Variants in PLCXD3 observed in about 807,000 individuals in gnomAD.
PLCXD3 encodes the protein phosphatidylinositol specific phospholipase C X domain containing 3.
Under a neutral mutation model 25.5 loss-of-function variants are expected in PLCXD3, and 19 were observed. The ratio of observed to expected loss-of-function variants is 0.75; its 90% CI spans 0.52 to 1.09. The LOEUF (loss-of-function observed/expected upper bound fraction) is 1.09. Ranked by LOEUF, PLCXD3 falls within the 50% of genes least tolerant of loss-of-function variation. The pLI, the probability that PLCXD3 is intolerant of heterozygous loss-of-function variation, is 0.00. For synonymous variants in PLCXD3, 174 were observed against 137.6 expected (o/e 1.26, Z -1.85); for missense variants, 411 against 388.1 (o/e 1.06, Z -0.50).
chr5:41,487,034 A>G (rs1748533534), intron 1 of PLCXD3, among the ~76,000 whole-genome samples: 1 of 134,836 alleles, frequency 7.4e-6, no homozygotes, highest in Non-Finnish European at 1.8e-5. Flanking sequence ...TGTTAAAAAT[A>G]ACATACTTTT....
chr5:41,383,670 C>T (rs1745550543), intron 1 of PLCXD3, among the ~76,000 whole-genome samples: 1 of 152,060 alleles, frequency 6.6e-6, no homozygotes, highest in Non-Finnish European at 1.5e-5. Flanking sequence ...ATCTGATACT[C>T]AGGCTTCCTC....
At chr5:41,435,415 G>T (rs1747224087) in intron 1 of PLCXD3, among the ~76,000 whole-genome samples, 1 of 152,212 alleles carries the variant, frequency 6.6e-6, no homozygotes. Flanking sequence ...TAAGATTAGT[G>T]TCTGGCTGCA....
intron 1 of PLCXD3, among the ~76,000 whole-genome samples, chr5:41,491,030 T>A (rs1219546184): frequency 6.6e-6 from 1 of 151,992 alleles, no homozygotes; most frequent in Non-Finnish European, 1.5e-5. Context: ...TGATGTTAGG[T>A]TGTCAATTTT....
At chr5:41,328,682 AAGCCT>A (rs1335430445) in intron 2 of PLCXD3, among the ~76,000 whole-genome samples, 2 of 152,172 alleles carry the variant, frequency 1.3e-5, no homozygotes, top group African/African-American at 4.8e-5. Context: ...AGAAACAGGG[AAGCCT>A]ACAGGAATCA....
intron 1 of PLCXD3, among the ~76,000 whole-genome samples, chr5:41,508,194 A>G (rs1332875001): frequency 5.9e-5 from 9 of 152,216 alleles, no homozygotes; most frequent in African/African-American, 9.6e-5. Flanking sequence ...TGGAAGCCCA[A>G]TGTCATCATC....
At chr5:41,414,738 T>C (rs995847419) in intron 1 of PLCXD3, among the ~76,000 whole-genome samples, 1 of 152,208 alleles carries the variant, frequency 6.6e-6, no homozygotes, top group South Asian at 2.1e-4. Flanking sequence ...TGTGCACCAT[T>C]CTGAGTAGCA....
chr5:41,473,235 A>C (rs1748204701), intron 1 of PLCXD3, among the ~76,000 whole-genome samples: 1 of 152,086 alleles, frequency 6.6e-6, no homozygotes, highest in Non-Finnish European at 1.5e-5. Flanking sequence ...AATAAAGGAG[A>C]AATTCTAACA....
chr5:41,410,172 C>T (rs1746476323), intron 1 of PLCXD3, among the ~76,000 whole-genome samples: 1 of 140,814 alleles, frequency 7.1e-6, no homozygotes, highest in South Asian at 2.2e-4. Flanking sequence ...CGGAGTCTCA[C>T]TCTGTTGCCC....
chr5:41,463,563 C>T lies in PLCXD3; in HGVS notation c.103+46861G>A, dbSNP rs902750791. On this transcript the variant is annotated intron_variant, in intron 1 of 2. Transcript: ENST00000377801. The stretch of plus-strand genomic sequence containing the variant: ...CACTTTAAAAAGAATATAACTGTTT[C>T]TCATGTAAGAGATTCATATTTCTGG... Among the ~76,000 whole-genome samples, 4 of 152,084 alleles carry T rather than the reference C, an allele frequency of 2.6e-5. No homozygotes were observed. The South Asian group carries it at 8.3e-4, about 32-fold the overall frequency.
At chr5:41,335,617 A>G (rs1743957254) in intron 2 of PLCXD3, among the ~76,000 whole-genome samples, 1 of 152,146 alleles carries the variant, frequency 6.6e-6, no homozygotes, top group Non-Finnish European at 1.5e-5. Context: ...GTGGAGAGAA[A>G]TAGGGAAATA....
At chr5:41,385,333 C>T (rs1745603834) in intron 1 of PLCXD3, among the ~76,000 whole-genome samples, 1 of 152,002 alleles carries the variant, frequency 6.6e-6, no homozygotes, top group Non-Finnish European at 1.5e-5. Flanking sequence ...TATCTTGGAC[C>T]TGGTACTTAA....
chr5:41,457,347 T>C (rs1747775872), intron 1 of PLCXD3, among the ~76,000 whole-genome samples: 1 of 151,920 alleles, frequency 6.6e-6, no homozygotes, highest in Admixed American at 6.6e-5. Flanking sequence ...GAGCTATTTA[T>C]ACATTTTTAA....
intron 1 of PLCXD3, among the ~76,000 whole-genome samples, chr5:41,474,273 T>A (rs2150520960): frequency 6.6e-6 from 1 of 152,254 alleles, no homozygotes; most frequent in Middle Eastern, 3.4e-3. Flanking sequence ...AGGTTCATAT[T>A]ATTACTAACA....
At chr5:41,411,430 T>C (rs1746516298) in intron 1 of PLCXD3, among the ~76,000 whole-genome samples, 2 of 152,216 alleles carry the variant, frequency 1.3e-5, no homozygotes, top group African/African-American at 2.4e-5. Flanking sequence ...TTCTTTGCTC[T>C]TCCTTCCAGT....
intron 1 of PLCXD3, among the ~76,000 whole-genome samples, chr5:41,509,084 A>T (rs1245782291): frequency 1.3e-5 from 2 of 152,180 alleles, no homozygotes; most frequent in Admixed American, 1.3e-4. Context: ...ACAACCATTG[A>T]TTTGAGGGAC....
intron 1 of PLCXD3, among the ~76,000 whole-genome samples, chr5:41,387,401 A>G (rs751958554): frequency 1.6e-4 from 25 of 152,166 alleles, no homozygotes; most frequent in Non-Finnish European, 1.0e-4. Context: ...TTAAGCCACT[A>G]TATTTGTGGT....
intron 2 of PLCXD3, among the ~76,000 whole-genome samples, chr5:41,351,306 C>A (rs1174724874): frequency 2.0e-5 from 3 of 152,262 alleles, no homozygotes; most frequent in Non-Finnish European, 1.5e-5. Flanking sequence ...ATCAGTGTGA[C>A]TTTATTAGTA....
At chr5:41,374,376 A>G (rs185539523) in intron 2 of PLCXD3, among the ~76,000 whole-genome samples, 15 of 152,290 alleles carry the variant, frequency 9.8e-5, no homozygotes, top group Admixed American at 6.5e-4. Flanking sequence ...CTTTTGATTT[A>G]CAAGCCAGAA....
At chr5:41,357,035 C>A (rs548555426) in intron 2 of PLCXD3, among the ~76,000 whole-genome samples, 2 of 152,270 alleles carry the variant, frequency 1.3e-5, no homozygotes, top group African/African-American at 4.8e-5. Context: ...TGATAACAAC[C>A]ATGTGTAAGC....
Sources: allele counts gnomAD v4.1 joint callset (sites outside exome capture counted in the v4.1 genomes callset), GRCh38; gene constraint gnomAD v4.1.1; transcripts MANE v1.5; gene names NCBI Gene and HGNC (gene_info 2026-07-23, HGNC 2026-07-21).